TET3: variants seen among roughly 807,000 people sequenced by gnomAD.
TET3 encodes methylcytosine dioxygenase TET3.
TET3 carries 19 observed loss-of-function variants against 141.4 expected under a neutral mutation model. The ratio of observed to expected loss-of-function variants is 0.13; its 90% CI spans 0.09 to 0.20. The LOEUF (loss-of-function observed/expected upper bound fraction) is 0.20, where lower values mean the gene tolerates loss of function less well. TET3 is among the 10% of genes least tolerant of loss of function. The pLI is 1.00. For missense variants in TET3, 1,874 were observed against 2,356.9 expected (o/e 0.80, Z 4.24); for synonymous variants, 1,043 against 980.9 (o/e 1.06, Z -1.18).
chr2:73,994,705 C>T (rs1684502165), intron 2 of TET3, among the ~76,000 whole-genome samples: 1 of 135,386 alleles, frequency 7.4e-6, no homozygotes, highest in African/African-American at 2.8e-5. Flanking sequence ...GTGGTATGAT[C>T]TCGGCTCACT....
chr2:74,029,832 T>C (rs902368460), intron 3 of TET3, among the ~76,000 whole-genome samples: 3 of 152,226 alleles, frequency 2.0e-5, no homozygotes, highest in Non-Finnish European at 4.4e-5. Flanking sequence ...ATGCCTTTGA[T>C]ATCCTGTCAG....
chr2:74,008,038 T>C (rs1464032293), intron 3 of TET3, among the ~76,000 whole-genome samples: 3 of 152,156 alleles, frequency 2.0e-5, no homozygotes, highest in Non-Finnish European at 4.4e-5. Context: ...TGTATTTATG[T>C]TGTGGTGGAT....
At position 74,047,471 on chromosome 2, in the gene TET3, C is replaced by T. The variant is rs752423283; in HGVS notation, c.1554C>T (p.Pro518=). The change falls in exon 4 of 12, where the codon CCC becomes CCT. Residue 518 remains proline (P), a synonymous_variant. Coordinates refer to ENST00000409262, the MANE Select transcript of TET3 (RefSeq NM_001287491.2). Reference sequence around the variant, plus strand: ...AGGCTCCCACGCCATCCTCGGAGCCCGACACCCACCAGAAGGCCCAGACCG... The same window carrying T: ...AGGCTCCCACGCCATCCTCGGAGCCTGACACCCACCAGAAGGCCCAGACCG... ...QREAPTPSSE[P]DTHQKAQTAL... The T allele has an allele frequency of 1.3e-5, 21 of 1,612,314 alleles. No individual in the cohort carries two copies. The East Asian group carries it at 1.8e-4, about 14-fold the overall frequency.
chr2:74,050,736 GA>G (rs1687900281), intron 4 of TET3, among the ~76,000 whole-genome samples: 1 of 151,828 alleles, frequency 6.6e-6, no homozygotes, highest in Non-Finnish European at 1.5e-5. Context: ...ATTTTTTGTG[GA>G]GACGAGGTCT....
At chr2:74,010,581 C>A (rs1361909867) in intron 3 of TET3, among the ~76,000 whole-genome samples, 2 of 152,190 alleles carry the variant, frequency 1.3e-5, no homozygotes, top group African/African-American at 4.8e-5. Context: ...AATGCCTGGC[C>A]CCAGCCCCTG....
At position 74,086,895 on chromosome 2, in the gene TET3, A is replaced by T. The variant is rs1201874734; in HGVS notation, c.2680-935A>T. 2.6e-5 allele frequency among the ~76,000 whole-genome samples: 4 copies of T among 151,798 alleles called. No homozygotes were observed. In the East Asian group the frequency reaches 7.7e-4, roughly 29 times the overall value. On this transcript the variant is annotated intron_variant, in intron 6 of 11. Transcript: ENST00000409262. ...GCATTAAGTACATTCACGTTGTTGT[A>T]CAAGCATCAACCTAGTCTATTTCCA...
chr2:74,056,765 A>G (rs1012795664), intron 4 of TET3, among the ~76,000 whole-genome samples: 1 of 152,240 alleles, frequency 6.6e-6, no homozygotes, highest in African/African-American at 2.4e-5. Context: ...ATCAATAAAA[A>G]TAGAGGAAAA....
chr2:74,117,242 A>G, the TET3 span, among the ~76,000 whole-genome samples: 1 of 151,810 alleles, frequency 6.6e-6, no homozygotes, highest in African/African-American at 2.4e-5. Context: ...ATGCCTGGCT[A>G]ATTTTTGTAT....
At chr2:74,074,501 C>G (rs1689382336) in intron 5 of TET3, among the ~76,000 whole-genome samples, 1 of 152,168 alleles carries the variant, frequency 6.6e-6, no homozygotes, top group Non-Finnish European at 1.5e-5. Flanking sequence ...CAGATGGAGA[C>G]TTGGAAACCC....
rs1408545265 is a variant in TET3, at chr2:74,099,579, G to T, written c.3571G>T (p.Ala1191Ser). The change falls in exon 11 of 12, where the codon GCC (alanine) becomes TCC (serine). Residue 1191 changes from alanine (A) to serine (S), a missense_variant. Coordinates refer to ENST00000409262, the MANE Select transcript of TET3 (RefSeq NM_001287491.2). Reference sequence around the variant, plus strand: ...CACTCCGGAGAAGATCAAGCAGGAGGCCCTGGAGCTGGCGGGCATTACGTC... The same window carrying T: ...CACTCCGGAGAAGATCAAGCAGGAGTCCCTGGAGCTGGCGGGCATTACGTC... ...LSTPEKIKQE[A>S]LELAGITSDP... The T allele has an allele frequency of 2.5e-6, 4 of 1,598,004 alleles. No individual in the cohort carries two copies. The highest frequency in any genetic ancestry group is 1.3e-5 in the African/African-American group (1 of 74,634).
rs201508623 is a variant in TET3 at position 74,102,033 on chromosome 2, A to G, written c.5245A>G (p.Thr1749Ala). The G allele has an allele frequency of 6.4e-7, 1 of 1,557,012 alleles. No individual in the cohort carries two copies. The highest frequency in any genetic ancestry group is 2.3e-5 in the East Asian group (1 of 44,132). The part of the protein sequence containing the change: ...LYGKKRKWGG[T>A]VVAEPQQKEK... ...CGGGAAGAAGCGCAAGTGGGGGGGC[A>G]CTGTGGTTGCTGAGCCCCAGCAGAA... The change falls in exon 12 of 12, where the codon ACT becomes GCT. Residue 1749 changes from threonine (T) to alanine (A), a missense_variant. Physicochemically the swap from Thr to Ala is moderately conservative, Grantham distance 58. Around this residue, in one of 10 missense-constraint regions of TET3, gnomAD observed 113 missense variants for 114.3 expected, o/e 0.99. Transcript: ENST00000409262.
chr2:73,994,442 C>T (rs1325430201), intron 2 of TET3, among the ~76,000 whole-genome samples: 1 of 152,118 alleles, frequency 6.6e-6, no homozygotes, highest in Non-Finnish European at 1.5e-5. Flanking sequence ...TATTCCAGTA[C>T]TGAGGAACTA....
At chr2:74,088,774 C>T (rs1220992643) in intron 7 of TET3, among the ~76,000 whole-genome samples, 1 of 152,112 alleles carries the variant, frequency 6.6e-6, no homozygotes, top group Admixed American at 6.6e-5. Flanking sequence ...GTACCTACCA[C>T]CACCACAATT....
the TET3 span, chr2:74,121,971 C>T: frequency 1.3e-5 from 2 of 152,274 alleles, no homozygotes; most frequent in Non-Finnish European, 2.9e-5. Flanking sequence ...GCACTCCAAC[C>T]TGGGTGACAG....
chr2:73,991,433 A>G (rs914908659), intron 2 of TET3, among the ~76,000 whole-genome samples: 2 of 151,936 alleles, frequency 1.3e-5, no homozygotes, highest in African/African-American at 4.8e-5. Context: ...AAAATACAAA[A>G]TTAGCCAGGC....
chr2:74,120,636 G>A, the TET3 span: 2 of 152,416 alleles, frequency 1.3e-5, no homozygotes, highest in African/African-American at 2.4e-5. Context: ...AGCTCAGGAG[G>A]CAAGGGCGTG....
chr2:74,029,932 T>G (rs1686581707), intron 3 of TET3, among the ~76,000 whole-genome samples: 1 of 152,192 alleles, frequency 6.6e-6, no homozygotes, highest in South Asian at 2.1e-4. Context: ...AACCACAGAG[T>G]ATGTATGTAA....
intron 5 of TET3, among the ~76,000 whole-genome samples, chr2:74,078,009 C>T (rs1033971105): frequency 6.6e-6 from 1 of 152,202 alleles, no homozygotes; most frequent in East Asian, 1.9e-4. Flanking sequence ...CCCCTGAGTC[C>T]TGTCTCCAAA....
Position 74,107,732 on chromosome 2 carries a change from GAACTTAAC to G in TET3, c.*5560_*5567del, listed in dbSNP as rs1471079927. 1 of 152,158 alleles carries G rather than the reference GAACTTAAC, an allele frequency of 6.6e-6. No homozygotes were observed. The highest frequency in any genetic ancestry group is 1.5e-5 in the Non-Finnish European group (1 of 68,028). 9.4% of individuals were successfully genotyped at this position (152,158 alleles called of 1,614,324 possible). On this transcript the variant is annotated 3_prime_UTR_variant, in exon 12 of 12. Transcript: ENST00000409262. ...TGGTTACTTGGCTTCCAATGGAGGT[GAACTTAAC>G]AACCATACTTGAATATTCCGTCTTG...
Sources: gnomAD v4.1 joint callset for allele counts (sites outside exome capture counted in the v4.1 genomes callset) on GRCh38, gnomAD v4.1.1 for gene constraint, gnomAD v4.1.1 regional missense constraint, MANE v1.5 for transcripts, NCBI Gene and HGNC (gene_info 2026-07-23, HGNC 2026-07-21) for gene names.